The following BDNF variants were observed in gnomAD, a reference collection of about 807,000 sequenced individuals.
BDNF encodes brain derived neurotrophic factor.
Under a neutral mutation model 19.5 loss-of-function variants are expected in BDNF, and 1 was observed. That is an observed-to-expected ratio of 0.05 (90% CI 0.02 to 0.24). The LOEUF is 0.24. BDNF is among the 10% of genes least tolerant of loss of function. The pLI is 1.00. For synonymous variants in BDNF, 100 were observed against 121.6 expected, an observed-to-expected ratio of 0.82 and a Z score of 1.17; for missense variants, 195 against 317.6, an observed-to-expected ratio of 0.61 and a Z score of 2.93.
chr11:27,699,508 G>C, intron 1 of BDNF: 1 of 1,612,290 alleles, frequency 6.2e-7, no homozygotes, highest in Non-Finnish European at 8.5e-7. Context: ...GAAGAGGGGC[G>C]CAGGATGGGT....
upstream of BDNF, chr11:27,700,762 G>T (rs1450629475): frequency 6.7e-6 from 8 of 1,191,118 alleles, no homozygotes; most frequent in Non-Finnish European, 7.4e-6. Flanking sequence ...GCTTCGAGGG[G>T]TGTTCCAGCC....
At chr11:27,688,558 C>T (rs988209581) in intron 1 of BDNF, among the ~76,000 whole-genome samples, 1 of 152,202 alleles carries the variant, frequency 6.6e-6, no homozygotes, top group African/African-American at 2.4e-5. Flanking sequence ...AAGGGAATCT[C>T]CTGGTCTGCC....
intron 1 of BDNF, among the ~76,000 whole-genome samples, chr11:27,719,000 G>T (rs556388171): frequency 3.9e-5 from 6 of 152,252 alleles, no homozygotes; most frequent in South Asian, 2.1e-4. Context: ...GCCTGAGAAG[G>T]GGGTGGGGGT....
chr11:27,703,349 T>C (rs1859987605), upstream of BDNF, among the ~76,000 whole-genome samples: 1 of 152,246 alleles, frequency 6.6e-6, no homozygotes, highest in Non-Finnish European at 1.5e-5. Context: ...CTCCAAACTT[T>C]AACTTTGTTA....
intron 1 of BDNF, among the ~76,000 whole-genome samples, chr11:27,713,691 G>C (rs994952474): frequency 6.6e-6 from 1 of 152,122 alleles, no homozygotes; most frequent in Admixed American, 6.5e-5. Flanking sequence ...ATTTTCTGCC[G>C]CTATTTAGGA....
At position 27,658,833 on chromosome 11, in the gene BDNF, G is replaced by A. The variant is rs76152614; in HGVS notation, c.-21-248C>T. The A allele has an allele frequency of 1.3e-4, 172 of 1,367,660 alleles. No homozygotes were observed. Among genetic ancestry groups the A allele is most frequent in the Non-Finnish European group, 1.5e-4 (161 of 1,054,828 alleles). 84.7% of individuals were successfully genotyped at this position (1,367,660 alleles called of 1,614,324 possible). The stretch of plus-strand genomic sequence containing the variant: ...TAGCATATAAACCTGAGATTAGATG[G>A]CTTCTAAGCAAGTGCAAAAATTGTG... On this transcript the variant is annotated intron_variant, in intron 1 of 1. Coordinates refer to ENST00000356660, the MANE Select transcript of BDNF (RefSeq NM_001709.5). This position sits in a 1 kb window ranked among gnomAD's most constrained non-coding sequence, Gnocchi z 5.7.
chr11:27,678,585 G>A (rs1856474743), intron 1 of BDNF, among the ~76,000 whole-genome samples: 1 of 152,164 alleles, frequency 6.6e-6, no homozygotes, highest in African/African-American at 2.4e-5. Flanking sequence ...ATACGAACAC[G>A]AATGTGAGAT....
Position 27,657,923 on chromosome 11 carries a change from G to A in BDNF, c.642C>T (p.Tyr214=), listed in dbSNP as rs138287649. Residue 214 remains tyrosine (Y), a synonymous_variant, in exon 2 of 2, where the codon TAC becomes TAT. Coordinates refer to ENST00000356660, the MANE Select transcript of BDNF (RefSeq NM_001709.5). This position sits in a 1 kb window ranked among gnomAD's most constrained non-coding sequence, Gnocchi z 5.0. ...WNSQCRTTQS[Y]VRALTMDSKK... ...TGCTATCCATGGTAAGGGCCCGCACGTACGACTGGGTAGTTCGGCACTGGG... is the reference window on the plus strand; with the variant it reads ...TGCTATCCATGGTAAGGGCCCGCACATACGACTGGGTAGTTCGGCACTGGG... The A allele has an allele frequency of 1.7e-4, 275 of 1,614,008 alleles. No individual in the cohort carries two copies. The highest frequency in any genetic ancestry group is 1.6e-4 in the Middle Eastern group (1 of 6,084).
chr11:27,689,594 C>G (rs768127354), intron 1 of BDNF, among the ~76,000 whole-genome samples: 10 of 152,206 alleles, frequency 6.6e-5, no homozygotes, highest in Non-Finnish European at 1.2e-4. Flanking sequence ...TTCCTAACAC[C>G]TCATGGAACA....
intron 1 of BDNF, among the ~76,000 whole-genome samples, chr11:27,685,508 T>C (rs954765727): frequency 6.6e-6 from 1 of 152,212 alleles, no homozygotes; most frequent in African/African-American, 2.4e-5. Context: ...TGATTTTAGC[T>C]CTTTCCTGCT....
At chr11:27,674,336 T>C in intron 1 of BDNF, 1 of 1,542,386 alleles carries the variant, frequency 6.5e-7, no homozygotes, top group Non-Finnish European at 8.7e-7. Flanking sequence ...TTCTTTTAAT[T>C]ACTTAACTGT....
rs974758734 is a variant in BDNF, at chr11:27,719,570, C to T, written c.3+1842G>A. The T allele has an allele frequency of 4.1e-6, 4 of 985,106 alleles. No homozygotes were observed. In the East Asian group the frequency reaches 4.5e-4, roughly 112 times the overall value. The allele number at this position is 985,106 out of a possible 1,614,324, so 61.0% of individuals were successfully genotyped here. ...GCGGAGCGCGGTCTCGGCAGCTCCC[C>T]TTCCCTTGAGAAAGCGGGAACCCTC... On this transcript the variant is annotated intron_variant, in intron 1 of 1. Transcript: ENST00000314915.
Position 27,662,861 on chromosome 11 carries a change from G to A in BDNF, c.-21-4276C>T, listed in dbSNP as rs532183398. On this transcript the variant is annotated intron_variant, in intron 1 of 1. Transcript: ENST00000356660. ...CATGGCCTGGGTGTTGCGGATCCCT[G>A]CTCTAAGGAATTTGACAGATAGCAA... 3.9e-5 allele frequency among the ~76,000 whole-genome samples: 6 copies of A among 152,166 alleles called. No homozygotes were observed. The East Asian group carries it at 9.6e-4, about 24-fold the overall frequency.
intron 1 of BDNF, chr11:27,696,498 T>C (rs112084136): frequency 9.9e-4 from 151 of 152,324 alleles, no homozygotes; most frequent in African/African-American, 3.5e-3. Flanking sequence ...TCCTCTTCCA[T>C]TGAACAACAG....
At position 27,700,341 on chromosome 11, in the gene BDNF, G is replaced by A. The variant is rs1859760834; in HGVS notation, c.-199C>T. On this transcript the variant is annotated 5_prime_UTR_variant, in exon 1 of 2. Transcript: ENST00000356660. Reference sequence around the variant, plus strand: ...AGGAGGTGGAGGGGCGCACCGGGCTGGCTCCTCTGTCCGGCCCGGGAGCCC... The same window carrying A: ...AGGAGGTGGAGGGGCGCACCGGGCTAGCTCCTCTGTCCGGCCCGGGAGCCC... 1 of 985,164 alleles carries A rather than the reference G, an allele frequency of 1.0e-6. No individual in the cohort carries two copies. The highest frequency in any genetic ancestry group is 1.2e-6 in the Non-Finnish European group (1 of 829,900). 61.0% of individuals were successfully genotyped at this position (985,164 alleles called of 1,614,324 possible).
chr11:27,700,180 AC>A lies in BDNF; in HGVS notation c.-39del, dbSNP rs1859739407. ...CTTGCCTACCTCGGGGTCCACACAA[AC>A]CTCACGGGTCCCCGGCGGCGGAGTC... On this transcript the variant is annotated 5_prime_UTR_variant, in exon 1 of 2. Transcript: ENST00000356660. 2 of 985,016 alleles carry A rather than the reference AC, an allele frequency of 2.0e-6. No homozygotes were observed. The highest frequency in any genetic ancestry group is 1.8e-5 in the African/African-American group (1 of 57,042). The allele number at this position is 985,016 out of a possible 1,614,324, so 61.0% of individuals were successfully genotyped here.
chr11:27,721,321 G>T, intron 1 of BDNF: 1 of 1,431,778 alleles, frequency 7.0e-7, no homozygotes, highest in Non-Finnish European at 9.9e-7. Context: ...GTTCTTTGGC[G>T]TGTGAAGTGC....
chr11:27,689,791 G>A (rs1005684256), intron 1 of BDNF, among the ~76,000 whole-genome samples: 2 of 152,110 alleles, frequency 1.3e-5, no homozygotes, highest in Non-Finnish European at 2.9e-5. Flanking sequence ...ATGGTGGTTT[G>A]CTGCACCTAT....
chr11:27,661,124 T>A (rs1406033249), intron 1 of BDNF, among the ~76,000 whole-genome samples: 1 of 152,240 alleles, frequency 6.6e-6, no homozygotes, highest in Non-Finnish European at 1.5e-5. Flanking sequence ...TGGGTATTCC[T>A]CAAGCTGAGC....
Sources: gnomAD v4.1 joint callset for allele counts (sites outside exome capture counted in the v4.1 genomes callset) on GRCh38, gnomAD v4.1.1 for gene constraint, Gnocchi (gnomAD v3.1) non-coding constraint, MANE v1.5 for transcripts, NCBI Gene and HGNC (gene_info 2026-07-23, HGNC 2026-07-21) for gene names.